The following ZNF556 variants were observed in gnomAD, a reference collection of about 807,000 sequenced individuals.
The protein encoded by ZNF556 is zinc finger protein 556.
ZNF556 carries 11 observed loss-of-function variants against 13.6 expected under a neutral mutation model. The observed-to-expected ratio is 0.81, with a 90% CI of 0.51 to 1.33. ZNF556 has a LOEUF of 1.33. Ranked by LOEUF, ZNF556 falls within the 40% of genes most tolerant of loss-of-function variation. ZNF556 has a pLI of 0.00. For synonymous variants in ZNF556, 229 were observed against 207.8 expected, an observed-to-expected ratio of 1.10 and a Z score of -0.88; for missense variants, 633 against 566.2, an observed-to-expected ratio of 1.12 and a Z score of -1.20.
Position 2,878,516 on chromosome 19 carries a change from A to T in ZNF556, c.*187A>T. ...CCCCGTCTCTACTAAAAAAAAAAAAAATACAAAAAATTAGCCGGGCGTGGT... is the reference window on the plus strand; with the variant it reads ...CCCCGTCTCTACTAAAAAAAAAAAATATACAAAAAATTAGCCGGGCGTGGT... On this transcript the variant is annotated 3_prime_UTR_variant, in exon 4 of 4. Transcript: ENST00000307635. 2.0e-6 allele frequency: 1 copy of T among 505,002 alleles called. No individual in the cohort carries two copies. Among genetic ancestry groups the T allele is most frequent in the Non-Finnish European group, 3.4e-6 (1 of 294,554 alleles). The allele number at this position is 505,002 out of a possible 1,614,324, so 31.3% of individuals were successfully genotyped here.
At chr19:2,876,414 AC>A (rs1452014273) in intron 3 of ZNF556, 138 bp downstream of exon 3, 1 of 820,902 alleles carries the variant, frequency 1.2e-6, no homozygotes, top group Non-Finnish European at 1.8e-6. Context: ...ATATGGTGAA[AC>A]CTTGTCTCTA....
rs188651322 is a variant in ZNF556 at position 2,873,462 on chromosome 19, C to T, written c.4-34C>T. 2,231 of 1,609,992 alleles carry T rather than the reference C, an allele frequency of 1.4e-3. 2 individuals are homozygous for T. Among genetic ancestry groups the T allele is most frequent in the Middle Eastern group, 3.7e-3 (21 of 5,668 alleles). On this transcript the variant is annotated intron_variant, in intron 1 of 3. Transcript: ENST00000307635. ...GTTCCGCAGTGCTGTGAGTTTTACC[C>T]CATCCTCATGTACACATATGTGGTT...
At chr19:2,871,544 T>C (rs1472107773) in intron 1 of ZNF556, among the ~76,000 whole-genome samples, 1 of 152,126 alleles carries the variant, frequency 6.6e-6, no homozygotes, top group Non-Finnish European at 1.5e-5. Context: ...CCTGGTGCGG[T>C]GGTTCACGCC....
chr19:2,877,614 C>G lies in ZNF556; in HGVS notation c.656C>G (p.Thr219Ser), dbSNP rs776865771. 5 of 1,614,212 alleles carry G rather than the reference C, an allele frequency of 3.1e-6. No homozygotes were observed. Among genetic ancestry groups the G allele is most frequent in the Non-Finnish European group, 4.2e-6 (5 of 1,180,038 alleles). Residue 219 changes from threonine (T) to serine (S), a missense_variant, in exon 4 of 4, where the codon ACT (threonine) becomes AGT (serine). Thr to Ser is a moderately conservative substitution (Grantham distance 58). Coordinates refer to ENST00000307635, the MANE Select transcript of ZNF556 (RefSeq NM_024967.3). ...ACATTTCTTCGTTCCCACTCTCTCA[C>G]TGAACATGTAAGGACTCACACTGGA... ...GKTFLRSHSL[T>S]EHVRTHTGEK... is the part of the protein sequence containing the mutation.
At position 2,879,019 on chromosome 19, in the gene ZNF556, T is replaced by TTTGTGA. The variant is rs1434932481; in HGVS notation, c.*694_*695insGATTGT. The TTTGTGA allele has an allele frequency of 2.6e-5, 4 of 152,290 alleles. No individual in the cohort carries two copies. Among genetic ancestry groups the TTTGTGA allele is most frequent in the African/African-American group, 9.6e-5 (4 of 41,566 alleles). The allele number at this position is 152,290 out of a possible 1,614,324, so 9.4% of individuals were successfully genotyped here. ...CCATTAGACCAATGAAATATGGGTG[T>TTTGTGA]TTGTTGACATTTTCTGACTGGCCCT... On this transcript the variant is annotated 3_prime_UTR_variant, in exon 4 of 4. Coordinates refer to ENST00000307635, the MANE Select transcript of ZNF556 (RefSeq NM_024967.3).
At chr19:2,869,845 G>A (rs114743762) in intron 1 of ZNF556, among the ~76,000 whole-genome samples, 2,156 of 152,158 alleles carry the variant, frequency 0.014, 44 homozygotes, top group African/African-American at 0.05. Flanking sequence ...AGGCCTGGAG[G>A]AGTCACTCAG....
Position 2,867,380 on chromosome 19 carries a change from A to G in ZNF556, c.-42A>G. The G allele has an allele frequency of 6.4e-7, 1 of 1,573,016 alleles. No individual in the cohort carries two copies. The highest frequency in any genetic ancestry group is 8.6e-7 in the Non-Finnish European group (1 of 1,159,900). Reference sequence around the variant, plus strand: ...GTCGTGCTCACCTGCACCGGCTGCGAGGAGCAGGGAGCTCCTCAAAGAGCT... The same window carrying G: ...GTCGTGCTCACCTGCACCGGCTGCGGGGAGCAGGGAGCTCCTCAAAGAGCT... On this transcript the variant is annotated 5_prime_UTR_variant, in exon 1 of 4. Transcript: ENST00000307635.
chr19:2,873,901 G>C (rs952917053), intron 2 of ZNF556, among the ~76,000 whole-genome samples: 1 of 151,984 alleles, frequency 6.6e-6, no homozygotes. Flanking sequence ...AGGCTACAGT[G>C]ACCCATGATC....
intron 1 of ZNF556, 21 bp downstream of exon 1, chr19:2,867,445 G>A (rs762058095): frequency 2.8e-5 from 45 of 1,579,194 alleles, no homozygotes; most frequent in East Asian, 1.4e-4. Context: ...GGCAGGAGCC[G>A]AGCCGGAGCC....
At position 2,871,120 on chromosome 19, in the gene ZNF556, C is replaced by T. The variant is rs552155048; in HGVS notation, c.4-2376C>T. On this transcript the variant is annotated intron_variant, in intron 1 of 3. Coordinates refer to ENST00000307635, the MANE Select transcript of ZNF556 (RefSeq NM_024967.3). The stretch of plus-strand genomic sequence containing the variant: ...CAGAGGTTGCAGTGAGCTGAGATCA[C>T]GCCACTGCACTCCAGCCTGGGCGAC... Among the ~76,000 whole-genome samples, 9 of 147,268 alleles carry T rather than the reference C, an allele frequency of 6.1e-5. No homozygotes were observed. In the East Asian group the frequency reaches 6.3e-4, roughly 10 times the overall value.
Position 2,880,686 on chromosome 19 carries a change from T to A in ZNF556, c.*2357T>A, listed in dbSNP as rs545288180. On this transcript the variant is annotated 3_prime_UTR_variant, in exon 4 of 4. Transcript: ENST00000307635. ...CGGGAGGCTGAGGAAGGAGAATGGC[T>A]TGAACCTGGGAGGCGGAGCTTGCCA... 7.6e-6 allele frequency: 1 copy of A among 131,738 alleles called. No individual in the cohort carries two copies. 8.2% of individuals were successfully genotyped at this position (131,738 alleles called of 1,614,324 possible).
chr19:2,870,716 C>T (rs1468253883), intron 1 of ZNF556, among the ~76,000 whole-genome samples: 2 of 148,234 alleles, frequency 1.3e-5, no homozygotes, highest in African/African-American at 5.0e-5. Flanking sequence ...CATTGCACTC[C>T]AGCCTGGGCG....
intron 1 of ZNF556, among the ~76,000 whole-genome samples, chr19:2,870,142 C>G (rs2087790167): frequency 6.6e-6 from 1 of 152,206 alleles, no homozygotes; most frequent in African/African-American, 2.4e-5. Context: ...TCGCTAATTT[C>G]AGGGAACAGA....
chr19:2,872,818 CAAA>C (rs770269518), intron 1 of ZNF556, among the ~76,000 whole-genome samples: 11 of 75,060 alleles, frequency 1.5e-4, no homozygotes, highest in African/African-American at 2.0e-4. Context: ...GACTCCATCT[CAAA>C]AAAAAAAAAA....
chr19:2,872,172 C>A (rs1250273765), intron 1 of ZNF556, among the ~76,000 whole-genome samples: 1 of 151,022 alleles, frequency 6.6e-6, no homozygotes, highest in African/African-American at 2.4e-5. Context: ...TGCGGGCGGG[C>A]CTGACTGATG....
At position 2,867,729 on chromosome 19, in the gene ZNF556, A is replaced by AC. The variant is rs1555725244; in HGVS notation, c.3+305_3+306insC. Among the ~76,000 whole-genome samples the AC allele has an allele frequency of 1.7e-3, 254 of 149,410 alleles. 4 individuals are homozygous for AC. The highest frequency in any genetic ancestry group is 3.4e-3 in the Admixed American group (52 of 15,084). ...CCAAAGTACAAAAAACAAAACAAAA[A>AC]AAAAAAAAACCTCACCCCAGCGAGG... On this transcript the variant is annotated intron_variant, in intron 1 of 3. Transcript: ENST00000307635.
Position 2,876,261 on chromosome 19 carries a change from A to T in ZNF556, c.299A>T (p.Lys100Met), listed in dbSNP as rs746135435. The T allele has an allele frequency of 6.3e-7, 1 of 1,594,026 alleles. No homozygotes were observed. The highest frequency in any genetic ancestry group is 1.2e-5 in the South Asian group (1 of 86,772). ...EHSVKDKHNT[K>M]ERHLSRNPRV... ...AGCGTTAAAGACAAGCACAACACCAAGGAGAGACATTTGAGGTGAGTTGTA... is the reference window on the plus strand; with the variant it reads ...AGCGTTAAAGACAAGCACAACACCATGGAGAGACATTTGAGGTGAGTTGTA... The change falls in exon 3 of 4, where the codon AAG becomes ATG. Residue 100 changes from lysine (K) to methionine (M), a missense_variant. Coordinates refer to ENST00000307635, the MANE Select transcript of ZNF556 (RefSeq NM_024967.3).
chr19:2,877,659 G>A lies in ZNF556; in HGVS notation c.701G>A (p.Gly234Glu), dbSNP rs1347720901. The change falls in exon 4 of 4, where the codon GGG becomes GAG. Residue 234 changes from glycine (G) to glutamate (E), a missense_variant. Coordinates refer to ENST00000307635, the MANE Select transcript of ZNF556 (RefSeq NM_024967.3). Reference protein sequence around the residue: ...THTGEKPYECGQCGKGFSCPK... With the variant: ...THTGEKPYECEQCGKGFSCPK... ...ACTGGAGAGAAACCCTACGAATGTGGGCAGTGTGGGAAAGGCTTCAGTTGT... is the reference window on the plus strand; with the variant it reads ...ACTGGAGAGAAACCCTACGAATGTGAGCAGTGTGGGAAAGGCTTCAGTTGT... 6.2e-7 allele frequency: 1 copy of A among 1,614,074 alleles called. No individual in the cohort carries two copies. The highest frequency in any genetic ancestry group is 1.3e-5 in the African/African-American group (1 of 74,928).
At position 2,876,224 on chromosome 19, in the gene ZNF556, T is replaced by C. The variant is rs765574418; in HGVS notation, c.262T>C (p.Trp88Arg). The change falls in exon 3 of 4, where the codon TGG becomes CGG. Residue 88 changes from tryptophan to arginine, a missense_variant. By Grantham distance (101) the Trp-to-Arg change is moderately radical. Transcript: ENST00000307635. ...NIWASLLGKN[W>R]EEHSVKDKHN... ...ATGGGCCTCCCTTTTAGGAAAAAAT[T>C]GGGAAGAACATAGCGTTAAAGACAA... 6 of 1,609,234 alleles carry C rather than the reference T, an allele frequency of 3.7e-6. No homozygotes were observed. The highest frequency in any genetic ancestry group is 5.1e-6 in the Non-Finnish European group (6 of 1,178,582).
Sources: allele counts gnomAD v4.1 joint callset (sites outside exome capture counted in the v4.1 genomes callset), GRCh38; gene constraint gnomAD v4.1.1; transcripts MANE v1.5; gene names NCBI Gene and HGNC (gene_info 2026-07-23, HGNC 2026-07-21).